SPATA17: variants seen among roughly 807,000 people sequenced by gnomAD.
SPATA17 encodes spermatogenesis associated 17.
A neutral mutation model predicts 62.2 loss-of-function variants in SPATA17; 53 were observed. The observed-to-expected ratio is 0.85, with a 90% confidence interval of 0.68 to 1.07. The LOEUF is 1.07. Among genes scored for constraint, SPATA17 ranks in the 50% least tolerant of loss-of-function variants. The pLI, the probability that SPATA17 is intolerant of heterozygous loss-of-function variation, is 0.00. For missense variants in SPATA17, 466 were observed against 425.5 expected, an observed-to-expected ratio of 1.10 and a Z score of -0.84; for synonymous variants, 146 against 146.8, an observed-to-expected ratio of 0.99 and a Z score of 0.04.
chr1:217,719,643 A>G (rs1197174866), intron 5 of SPATA17, among the ~76,000 whole-genome samples: 3 of 152,230 alleles, frequency 2.0e-5, no homozygotes, highest in Non-Finnish European at 2.9e-5. Context: ...AAAATATAAT[A>G]TGAAGCTTTA....
chr1:217,742,967 TA>T (rs1386727991), intron 6 of SPATA17, among the ~76,000 whole-genome samples: 4 of 150,930 alleles, frequency 2.7e-5, no homozygotes. Flanking sequence ...TATATATATA[TA>T]TTAAATCCTG....
chr1:217,722,547 T>C (rs1672158167), intron 5 of SPATA17, among the ~76,000 whole-genome samples: 1 of 152,182 alleles, frequency 6.6e-6, no homozygotes, highest in Non-Finnish European at 1.5e-5. Flanking sequence ...CAAGCACTTT[T>C]AGAGAATAAC....
chr1:217,700,420 G>A (rs1419055168), intron 5 of SPATA17, among the ~76,000 whole-genome samples: 3 of 151,992 alleles, frequency 2.0e-5, no homozygotes, highest in Admixed American at 1.3e-4. Flanking sequence ...GAAGATTTAA[G>A]CCTATTTTTA....
At chr1:217,635,219 A>G (rs1669909131) in intron 1 of SPATA17, among the ~76,000 whole-genome samples, 1 of 152,182 alleles carries the variant, frequency 6.6e-6, no homozygotes, top group African/African-American at 2.4e-5. Flanking sequence ...CAATTTAGAA[A>G]GTTTATTTTG....
intron 1 of SPATA17, among the ~76,000 whole-genome samples, chr1:217,647,450 T>A (rs191451595): frequency 2.8e-4 from 42 of 152,322 alleles, no homozygotes; most frequent in Non-Finnish European, 4.7e-4. Context: ...CAATGATCTC[T>A]CCTGAGGCCA....
chr1:217,691,154 G>C (rs1266773483), intron 5 of SPATA17, among the ~76,000 whole-genome samples: 1 of 148,764 alleles, frequency 6.7e-6, no homozygotes, highest in Admixed American at 6.7e-5. Context: ...AGCACCTGTT[G>C]TTTCCTGACT....
intron 6 of SPATA17, among the ~76,000 whole-genome samples, chr1:217,761,782 G>C (rs944082903): frequency 6.6e-6 from 1 of 152,156 alleles, no homozygotes; most frequent in African/African-American, 2.4e-5. Context: ...GAATTGTTTA[G>C]TGAGGAAGAT....
At chr1:217,647,793 A>G (rs532747631) in intron 1 of SPATA17, among the ~76,000 whole-genome samples, 47 of 151,962 alleles carry the variant, frequency 3.1e-4, no homozygotes, top group Admixed American at 9.8e-4. Flanking sequence ...GCGCTATCTC[A>G]GCTCATTGCA....
chr1:217,648,906 G>A lies in SPATA17; in HGVS notation c.93G>A (p.Lys31=), dbSNP rs1670246439. The A allele has an allele frequency of 6.2e-7, 1 of 1,608,334 alleles. No individual in the cohort carries two copies. The highest frequency in any genetic ancestry group is 8.5e-7 in the Non-Finnish European group (1 of 1,177,600). Residue 31 remains lysine (K), a synonymous_variant, in exon 2 of 11, where the codon AAG becomes AAA. Transcript: ENST00000366933. ...GTGTTGTAGATCCATTTAGAAAAAA[G>A]GAGAATGATGCAGCAGTTAAAATCC... ...RNSVVDPFRK[K]ENDAAVKIQS... is the part of the protein sequence containing the mutation.
chr1:217,864,270 G>C (rs1278151410), intron 10 of SPATA17, among the ~76,000 whole-genome samples: 1 of 152,090 alleles, frequency 6.6e-6, no homozygotes. Context: ...AGATATATCA[G>C]TCCTGTTTAT....
At position 217,674,496 on chromosome 1, in the gene SPATA17, G is replaced by A. The variant is rs543736743; in HGVS notation, c.291+5413G>A. ...ACTGCATGCTCAGTCCCTGGCAGGAGAGTGTGTGTGAGCAAGTGAGTGCAG... is the reference window on the plus strand; with the variant it reads ...ACTGCATGCTCAGTCCCTGGCAGGAAAGTGTGTGTGAGCAAGTGAGTGCAG... On this transcript the variant is annotated intron_variant, in intron 4 of 10. Coordinates refer to ENST00000366933, the MANE Select transcript of SPATA17 (RefSeq NM_138796.4). Among the ~76,000 whole-genome samples the A allele has an allele frequency of 1.4e-4, 22 of 152,284 alleles. No homozygotes were observed. The South Asian group carries it at 4.3e-3, about 30-fold the overall frequency.
intron 6 of SPATA17, among the ~76,000 whole-genome samples, chr1:217,744,198 C>G (rs1672695652): frequency 2.1e-5 from 1 of 47,290 alleles, no homozygotes. Context: ...CGCGGTGGCT[C>G]ACGCCTGTAA....
At chr1:217,784,280 C>A (rs1014760619) in intron 8 of SPATA17, among the ~76,000 whole-genome samples, 1 of 152,030 alleles carries the variant, frequency 6.6e-6, no homozygotes, top group Non-Finnish European at 1.5e-5. Flanking sequence ...ACCACAAAAC[C>A]AACTTTACCT....
intron 9 of SPATA17, among the ~76,000 whole-genome samples, chr1:217,829,152 G>T (rs1675070941): frequency 6.6e-6 from 1 of 152,048 alleles, no homozygotes; most frequent in South Asian, 2.1e-4. Flanking sequence ...TACATTCATT[G>T]CAGCATTATT....
intron 5 of SPATA17, among the ~76,000 whole-genome samples, chr1:217,733,908 T>C (rs187743638): frequency 2.6e-5 from 4 of 152,334 alleles, no homozygotes; most frequent in Non-Finnish European, 4.4e-5. Context: ...AATATTTCAT[T>C]TTAAACGTAT....
At chr1:217,809,047 T>C (rs563269929) in intron 9 of SPATA17, among the ~76,000 whole-genome samples, 48 of 152,184 alleles carry the variant, frequency 3.2e-4, no homozygotes, top group African/African-American at 1.0e-3. Flanking sequence ...GGATCTTCCT[T>C]ACTCAAAAGG....
intron 5 of SPATA17, among the ~76,000 whole-genome samples, chr1:217,697,400 A>G (rs1273217358): frequency 6.6e-6 from 1 of 152,226 alleles, no homozygotes; most frequent in African/African-American, 2.4e-5. Context: ...GTATTACAGC[A>G]AGAAGATTCT....
intron 1 of SPATA17, among the ~76,000 whole-genome samples, chr1:217,640,707 G>A (rs1026290727): frequency 6.6e-6 from 1 of 151,896 alleles, no homozygotes; most frequent in East Asian, 1.9e-4. Flanking sequence ...AAGCATATGA[G>A]GGAAAATAAA....
intron 8 of SPATA17, among the ~76,000 whole-genome samples, chr1:217,800,943 A>G (rs1223045170): frequency 2.0e-5 from 3 of 152,164 alleles, no homozygotes; most frequent in African/African-American, 7.2e-5. Context: ...GTGAGAGTTT[A>G]TATGGGTTTT....
Sources: gnomAD v4.1 joint callset for allele counts (sites outside exome capture counted in the v4.1 genomes callset) on GRCh38, gnomAD v4.1.1 for gene constraint, MANE v1.5 for transcripts, NCBI Gene and HGNC (gene_info 2026-07-23, HGNC 2026-07-21) for gene names.